Variants in ST6GALNAC5 observed in about 807,000 individuals in gnomAD.
ST6GALNAC5 encodes ST6 N-acetylgalactosaminide alpha-2,6-sialyltransferase 5.
ST6GALNAC5 carries 27 observed loss-of-function variants against 33.6 expected under a neutral mutation model. The observed-to-expected ratio is 0.80, with a 90% CI of 0.59 to 1.11. The LOEUF is 1.11. ST6GALNAC5 is among the 50% of genes least tolerant of loss of function. The pLI, the probability that ST6GALNAC5 is intolerant of heterozygous loss-of-function variation, is 0.00. For missense variants in ST6GALNAC5, 428 were observed against 454.0 expected, an observed-to-expected ratio of 0.94 and a Z score of 0.52; for synonymous variants, 194 against 171.2, an observed-to-expected ratio of 1.13 and a Z score of -1.04.
At chr1:76,899,550 C>T (rs1243603044) in intron 2 of ST6GALNAC5, among the ~76,000 whole-genome samples, 5 of 152,270 alleles carry the variant, frequency 3.3e-5, no homozygotes, top group East Asian at 3.9e-4. Flanking sequence ...CCAAGGCAGG[C>T]GTCCCTGCGT....
chr1:76,898,491 T>C (rs895841811), intron 2 of ST6GALNAC5, among the ~76,000 whole-genome samples: 6 of 152,106 alleles, frequency 3.9e-5, no homozygotes, highest in Non-Finnish European at 7.4e-5. Context: ...CAGGAGCAGA[T>C]TGGGTAATAA....
chr1:76,908,628 A>G (rs752401019), intron 2 of ST6GALNAC5, among the ~76,000 whole-genome samples: 2 of 152,126 alleles, frequency 1.3e-5, no homozygotes, highest in Non-Finnish European at 1.5e-5. Context: ...CACTTCCTTC[A>G]GGACACCTAG....
At chr1:77,000,406 A>T (rs1480787111) in intron 2 of ST6GALNAC5, among the ~76,000 whole-genome samples, 1,533 of 126,098 alleles carry the variant, frequency 0.012, 37 homozygotes, top group African/African-American at 0.038. Flanking sequence ...TTGTCAGATG[A>T]GTAGGTTGCG....
At chr1:77,047,721 A>C (rs1652063686) in intron 3 of ST6GALNAC5, among the ~76,000 whole-genome samples, 1 of 152,250 alleles carries the variant, frequency 6.6e-6, no homozygotes, top group African/African-American at 2.4e-5. Context: ...AGATAAAGGA[A>C]GCGTAAATGA....
intron 2 of ST6GALNAC5, among the ~76,000 whole-genome samples, chr1:76,938,783 G>A (rs913866534): frequency 3.3e-5 from 5 of 152,136 alleles, no homozygotes; most frequent in Non-Finnish European, 4.4e-5. Context: ...TATTTCTGCT[G>A]TGACACAGCC....
In ST6GALNAC5 at chr1:76,977,046, G is replaced by A. The variant is rs192069244; in HGVS notation, c.262-67158G>A. On this transcript the variant is annotated intron_variant, in intron 2 of 4. Coordinates refer to ENST00000477717, the MANE Select transcript of ST6GALNAC5 (RefSeq NM_030965.3). ...TGCTGGCCCCTACTTTGAGTAATAA[G>A]GTTCTAGCACATCTATTTATTCTTT... Among the ~76,000 whole-genome samples, 317 of 151,930 alleles carry A rather than the reference G, an allele frequency of 2.1e-3. 1 individual carries two copies. The highest frequency in any genetic ancestry group is 7.4e-3 in the African/African-American group (306 of 41,452).
At chr1:77,060,195 G>GC in intron 4 of ST6GALNAC5, 1 of 152,306 alleles carries the variant, frequency 6.6e-6, no homozygotes, top group Admixed American at 6.5e-5. Flanking sequence ...GCCACTTGGG[G>GC]AACTGGTTCT....
rs549324306 is a variant in ST6GALNAC5 at position 76,966,039 on chromosome 1, G to A, written c.262-78165G>A. On this transcript the variant is annotated intron_variant, in intron 2 of 4. Coordinates refer to ENST00000477717, the MANE Select transcript of ST6GALNAC5 (RefSeq NM_030965.3). ...GTAGTAGAGTTTGAAGTCAGGTAGC[G>A]TGATGCCTCCAGCTTTGTTCTTTTT... is the stretch of plus-strand genomic sequence containing the variant. 2.0e-3 allele frequency among the ~76,000 whole-genome samples: 307 copies of A among 152,276 alleles called. 2 individuals carry two copies. Among genetic ancestry groups the A allele is most frequent in the Middle Eastern group, 6.8e-3 (2 of 294 alleles).
chr1:76,964,478 T>G (rs1190831962), intron 2 of ST6GALNAC5, among the ~76,000 whole-genome samples: 1 of 152,130 alleles, frequency 6.6e-6, no homozygotes, highest in African/African-American at 2.4e-5. Flanking sequence ...GGCCCCGAAG[T>G]TCCCCCTCAG....
chr1:76,920,615 C>G (rs927840279), intron 2 of ST6GALNAC5, among the ~76,000 whole-genome samples: 1 of 152,202 alleles, frequency 6.6e-6, no homozygotes, highest in Non-Finnish European at 1.5e-5. Context: ...ACTCTTACCT[C>G]CTTCTGAAAA....
chr1:77,051,989 T>C (rs1557775496), intron 4 of ST6GALNAC5, among the ~76,000 whole-genome samples: 1 of 152,258 alleles, frequency 6.6e-6, no homozygotes, highest in East Asian at 1.9e-4. Flanking sequence ...TCATTTCTCC[T>C]ACTCAGAGTT....
At chr1:76,948,507 G>A (rs545113723) in intron 2 of ST6GALNAC5, among the ~76,000 whole-genome samples, 2 of 150,828 alleles carry the variant, frequency 1.3e-5, no homozygotes, top group African/African-American at 4.9e-5. Flanking sequence ...AGTCCCAAAA[G>A]CATGGAATTC....
At chr1:76,943,001 A>G (rs1647391473) in intron 2 of ST6GALNAC5, among the ~76,000 whole-genome samples, 1 of 152,132 alleles carries the variant, frequency 6.6e-6, no homozygotes, top group Admixed American at 6.6e-5. Context: ...AGTGATAACA[A>G]TATTAAGAGT....
At chr1:76,891,644 A>C (rs151264456) in intron 2 of ST6GALNAC5, among the ~76,000 whole-genome samples, 37 of 152,290 alleles carry the variant, frequency 2.4e-4, no homozygotes, top group African/African-American at 8.7e-4. Context: ...TTATCTAAGA[A>C]ACTGTCATCT....
chr1:76,969,289 A>C (rs1648637995), intron 2 of ST6GALNAC5, among the ~76,000 whole-genome samples: 2 of 152,196 alleles, frequency 1.3e-5, no homozygotes. Flanking sequence ...ACCTTCGCCA[A>C]AGACTGTACC....
intron 2 of ST6GALNAC5, among the ~76,000 whole-genome samples, chr1:77,031,728 A>G (rs144524428): frequency 6.6e-6 from 1 of 152,344 alleles, no homozygotes; most frequent in East Asian, 1.9e-4. Context: ...TCACTCTGGA[A>G]TGGTTCTCAC....
At chr1:76,912,225 T>G (rs1646921665) in intron 2 of ST6GALNAC5, among the ~76,000 whole-genome samples, 2 of 152,196 alleles carry the variant, frequency 1.3e-5, no homozygotes, top group African/African-American at 4.8e-5. Context: ...TTCCATGTAC[T>G]TGAGTGGTTT....
intron 2 of ST6GALNAC5, among the ~76,000 whole-genome samples, chr1:77,005,799 C>G (rs541010578): frequency 6.6e-6 from 1 of 152,314 alleles, no homozygotes; most frequent in African/African-American, 2.4e-5. Context: ...TGAAATCATA[C>G]AGCGTTTGTC....
chr1:76,969,233 G>A (rs1357017884), intron 2 of ST6GALNAC5, among the ~76,000 whole-genome samples: 1 of 152,242 alleles, frequency 6.6e-6, no homozygotes, highest in East Asian at 1.9e-4. Flanking sequence ...GAACCAGGAA[G>A]TGCAAGGGTT....
Sources: allele counts gnomAD v4.1 joint callset (sites outside exome capture counted in the v4.1 genomes callset), GRCh38; gene constraint gnomAD v4.1.1; transcripts MANE v1.5; gene names NCBI Gene and HGNC (gene_info 2026-07-23, HGNC 2026-07-21).